CSMD1: variants seen among roughly 807,000 people sequenced by gnomAD.
CSMD1 encodes CUB and Sushi multiple domains 1.
In CSMD1, 213 loss-of-function variants were observed where a neutral mutation model predicts 417.5. The ratio of observed to expected loss-of-function variants is 0.51; its 90% CI spans 0.46 to 0.57. CSMD1 has a LOEUF of 0.57. Among genes scored for constraint, CSMD1 ranks in the 20% least tolerant of loss-of-function variants. The probability of loss-of-function intolerance (pLI) is 0.00; values close to 1 mark genes in which losing one functional copy is unlikely to be tolerated. For synonymous variants in CSMD1, 2,862 were observed against 1,736.8 expected (o/e 1.65, Z -16.11); for missense variants, 6,923 against 4,529.7 (o/e 1.53, Z -15.17).
intron 1 of CSMD1, among the ~76,000 whole-genome samples, chr8:4,841,976 T>C (rs1563561464): frequency 6.6e-6 from 1 of 150,622 alleles, no homozygotes; most frequent in South Asian, 2.1e-4. Context: ...GAATGCATTT[T>C]TGTCCTGCCT....
At chr8:4,009,318 T>TA (rs1378032632) in intron 4 of CSMD1, among the ~76,000 whole-genome samples, 1 of 152,206 alleles carries the variant, frequency 6.6e-6, no homozygotes, top group African/African-American at 2.4e-5. Flanking sequence ...TTTGTGGGTA[T>TA]AAAACTTGCT....
chr8:3,871,258 T>A (rs1805463959), intron 5 of CSMD1, among the ~76,000 whole-genome samples: 1 of 152,106 alleles, frequency 6.6e-6, no homozygotes, highest in Non-Finnish European at 1.5e-5. Flanking sequence ...CACTTAATAA[T>A]GCCAAATTAC....
intron 5 of CSMD1, among the ~76,000 whole-genome samples, chr8:3,913,066 C>T (rs1386550568): frequency 6.6e-6 from 1 of 152,048 alleles, no homozygotes; most frequent in Non-Finnish European, 1.5e-5. Flanking sequence ...AACATGGCAG[C>T]ACTAGGAAAG....
chr8:4,572,239 G>C (rs113606329), intron 2 of CSMD1, among the ~76,000 whole-genome samples: 23,784 of 152,132 alleles, frequency 0.16, 2,197 homozygotes, highest in Non-Finnish European at 0.2. Flanking sequence ...TGGTATGTTT[G>C]AGCAGTGGCT....
intron 2 of CSMD1, among the ~76,000 whole-genome samples, chr8:4,560,139 A>G (rs979828606): frequency 4.6e-5 from 7 of 152,238 alleles, no homozygotes; most frequent in African/African-American, 1.7e-4. Flanking sequence ...TCCAGGAAGC[A>G]GCATATGCTG....
At chr8:3,148,077 G>A (rs546748953) in intron 40 of CSMD1, among the ~76,000 whole-genome samples, 3 of 152,236 alleles carry the variant, frequency 2.0e-5, no homozygotes, top group Non-Finnish European at 4.4e-5. Context: ...TTAGGAAATA[G>A]GGGACCCTTT....
intron 46 of CSMD1, among the ~76,000 whole-genome samples, chr8:3,101,471 G>T (rs1326699909): frequency 1.3e-5 from 2 of 152,178 alleles, no homozygotes; most frequent in African/African-American, 2.4e-5. Context: ...CGCCCAGGCT[G>T]GAGTGCAATG....
intron 3 of CSMD1, among the ~76,000 whole-genome samples, chr8:4,331,139 G>T (rs969981301): frequency 1.3e-5 from 2 of 151,954 alleles, no homozygotes; most frequent in African/African-American, 4.8e-5. Flanking sequence ...CTAAACTACC[G>T]AACTATCCTC....
chr8:2,962,194 G>T (rs1322279147), intron 61 of CSMD1, among the ~76,000 whole-genome samples: 7 of 152,172 alleles, frequency 4.6e-5, no homozygotes, highest in Non-Finnish European at 1.5e-5. Flanking sequence ...TGGCAGTTAA[G>T]GTAGACAGCG....
At chr8:3,523,739 A>C (rs1199460626) in intron 10 of CSMD1, among the ~76,000 whole-genome samples, 1 of 151,830 alleles carries the variant, frequency 6.6e-6, no homozygotes, top group East Asian at 1.9e-4. Context: ...ACTCAGAGAC[A>C]CATGCATACA....
chr8:4,427,265 C>G (rs1254034064), intron 2 of CSMD1, among the ~76,000 whole-genome samples: 2 of 152,172 alleles, frequency 1.3e-5, no homozygotes, highest in Non-Finnish European at 2.9e-5. Flanking sequence ...CAAGAGATCA[C>G]TTGAGTTATG....
intron 1 of CSMD1, among the ~76,000 whole-genome samples, chr8:4,935,541 T>A (rs1488925313): frequency 2.0e-5 from 3 of 152,244 alleles, no homozygotes; most frequent in Admixed American, 6.5e-5. Flanking sequence ...TACAACTCTA[T>A]AAGGTTATAC....
chr8:4,377,173 C>T (rs1434171848), intron 3 of CSMD1, among the ~76,000 whole-genome samples: 6 of 152,106 alleles, frequency 3.9e-5, no homozygotes, highest in Non-Finnish European at 2.9e-5. Flanking sequence ...GATTATAGTG[C>T]ATGGAATTGA....
intron 1 of CSMD1, among the ~76,000 whole-genome samples, chr8:4,679,582 G>A (rs1013697867): frequency 6.6e-5 from 10 of 152,022 alleles, no homozygotes; most frequent in South Asian, 2.1e-4. Context: ...TATGAAAACT[G>A]CAATAAGTTC....
intron 2 of CSMD1, among the ~76,000 whole-genome samples, chr8:4,620,300 G>A (rs567495472): frequency 2.0e-5 from 3 of 151,426 alleles, no homozygotes; most frequent in East Asian, 3.9e-4. Context: ...ATATACATGT[G>A]TATACATATG....
chr8:2,951,814 T>C (rs963909293), intron 65 of CSMD1, among the ~76,000 whole-genome samples: 1 of 152,194 alleles, frequency 6.6e-6, no homozygotes, highest in African/African-American at 2.4e-5. Context: ...GTCTTTATTT[T>C]GTAAGTAGAG....
At chr8:4,314,885 T>C (rs558076356) in intron 3 of CSMD1, among the ~76,000 whole-genome samples, 1 of 151,920 alleles carries the variant, frequency 6.6e-6, no homozygotes, top group East Asian at 1.9e-4. Context: ...CCTGTTGGAG[T>C]GAAGAACATA....
chr8:3,179,001 G>T lies in CSMD1; in HGVS notation c.5725+2109C>A, dbSNP rs920709760. On this transcript the variant is annotated intron_variant, in intron 37 of 69. Coordinates refer to ENST00000635120, the MANE Select transcript of CSMD1 (RefSeq NM_033225.6). ...CTCACTCTGTCACCCAGGCTGGAGT[G>T]CAGTGGCGCGATCTTGGCTCACTGC... Among the ~76,000 whole-genome samples the T allele has an allele frequency of 2.0e-5, 3 of 147,654 alleles. No individual in the cohort carries two copies. In the East Asian group the frequency reaches 6.0e-4, roughly 30 times the overall value.
chr8:4,341,791 C>T (rs1800492936), intron 3 of CSMD1, among the ~76,000 whole-genome samples: 1 of 151,944 alleles, frequency 6.6e-6, no homozygotes, highest in South Asian at 2.1e-4. Context: ...ATTTCAGTGC[C>T]CATTAATTTG....
Sources: allele counts gnomAD v4.1 joint callset (sites outside exome capture counted in the v4.1 genomes callset), GRCh38; gene constraint gnomAD v4.1.1; transcripts MANE v1.5; gene names NCBI Gene and HGNC (gene_info 2026-07-23, HGNC 2026-07-21).